FRMPD4: variants seen among roughly 807,000 people sequenced by gnomAD.
FRMPD4 encodes FERM and PDZ domain-containing protein 4.
FRMPD4 carries 22 observed loss-of-function variants against 94.1 expected under a neutral mutation model. The ratio of observed to expected loss-of-function variants is 0.23; its 90% CI spans 0.17 to 0.33. The LOEUF is 0.33. Ranked by LOEUF, FRMPD4 falls within the 10% of genes least tolerant of loss-of-function variation. FRMPD4 has a pLI of 1.00. For missense variants in FRMPD4, 1,111 were observed against 1,339.9 expected (o/e 0.83, Z 2.67); for synonymous variants, 631 against 548.6 (o/e 1.15, Z -2.10).
intron 2 of FRMPD4, among the ~76,000 whole-genome samples, chrX:12,565,658 C>G (rs1162688723): frequency 5.4e-5 from 6 of 111,933 alleles, no homozygotes; most frequent in Admixed American, 9.5e-5. Flanking sequence ...GACATGACTA[C>G]TAAGTGCAAT....
At chrX:12,531,120 A>G (rs945873797) in intron 2 of FRMPD4, among the ~76,000 whole-genome samples, 2 of 112,448 alleles carry the variant, frequency 1.8e-5, no homozygotes, top group Admixed American at 9.4e-5. Context: ...ATATTTCTCA[A>G]TGGCAATTTA....
At chrX:12,130,801 T>C (rs926715694) in intron 3 of FRMPD4, among the ~76,000 whole-genome samples, 3 of 111,313 alleles carry the variant, frequency 2.7e-5, no homozygotes, top group Non-Finnish European at 5.6e-5. Context: ...GAAGGAACAT[T>C]ATGTCAGAAA....
chrX:12,057,969 A>C (rs1208964246), intron 3 of FRMPD4, among the ~76,000 whole-genome samples: 1 of 111,134 alleles, frequency 9.0e-6, no homozygotes, highest in Non-Finnish European at 1.9e-5. Context: ...AATTAATGGG[A>C]AGTGCTTATA....
At chrX:12,227,677 T>C (rs2056936942) in intron 1 of FRMPD4, among the ~76,000 whole-genome samples, 1 of 111,221 alleles carries the variant, frequency 9.0e-6, no homozygotes, top group Non-Finnish European at 1.9e-5. Context: ...GGCATGTGCC[T>C]GTGGTCCCAG....
chrX:12,050,910 G>A (rs1478287660), intron 3 of FRMPD4, among the ~76,000 whole-genome samples: 6 of 111,114 alleles, frequency 5.4e-5, no homozygotes, highest in Non-Finnish European at 1.1e-4. Flanking sequence ...TATTACAAAC[G>A]ACCTAAGTAG....
At chrX:12,259,700 C>T (rs1039886182) in intron 1 of FRMPD4, among the ~76,000 whole-genome samples, 12 of 111,560 alleles carry the variant, frequency 1.1e-4, no homozygotes, top group African/African-American at 1.6e-4. Context: ...CCTATTGGCA[C>T]GCTGAACAGC....
intron 1 of FRMPD4, among the ~76,000 whole-genome samples, chrX:11,861,285 T>C (rs1283980103): frequency 9.0e-6 from 1 of 111,674 alleles, no homozygotes; most frequent in Non-Finnish European, 1.9e-5. Flanking sequence ...ATGTGGCTCA[T>C]TGTACTATGT....
At chrX:12,688,743 ATCT>A (rs1217013478) in intron 7 of FRMPD4, among the ~76,000 whole-genome samples, 1 of 65,094 alleles carries the variant, frequency 1.5e-5, no homozygotes, top group Non-Finnish European at 2.7e-5. Context: ...AAGCAGGGAA[ATCT>A]TTTTTTTTTT....
intron 4 of FRMPD4, among the ~76,000 whole-genome samples, chrX:12,638,749 T>C (rs941381345): frequency 2.1e-4 from 23 of 111,187 alleles, no homozygotes; most frequent in Non-Finnish European, 1.3e-4. Context: ...AACTAGTTTC[T>C]TTCTACTGCC....
At chrX:12,015,344 C>T (rs969723610) in intron 3 of FRMPD4, among the ~76,000 whole-genome samples, 10 of 111,491 alleles carry the variant, frequency 9.0e-5, no homozygotes, top group African/African-American at 2.9e-4. Flanking sequence ...TTAGCTAATT[C>T]CTATTTATTT....
At chrX:11,988,836 A>C (rs1370462547) in intron 3 of FRMPD4, among the ~76,000 whole-genome samples, 1 of 112,201 alleles carries the variant, frequency 8.9e-6, no homozygotes, top group African/African-American at 3.2e-5. Flanking sequence ...TACAAATGGC[A>C]AACAGGCACA....
chrX:11,857,328 C>T (rs1395179725), intron 1 of FRMPD4, among the ~76,000 whole-genome samples: 1 of 111,109 alleles, frequency 9.0e-6, no homozygotes, highest in Non-Finnish European at 1.9e-5. Flanking sequence ...CTACAGTAAC[C>T]AAAACATCAT....
At chrX:12,207,487 T>C (rs1249196528) in intron 1 of FRMPD4, among the ~76,000 whole-genome samples, 1 of 110,460 alleles carries the variant, frequency 9.1e-6, no homozygotes, top group Non-Finnish European at 1.9e-5. Context: ...TAACTGTACA[T>C]TAAAAATTAT....
intron 2 of FRMPD4, among the ~76,000 whole-genome samples, chrX:12,558,593 G>A (rs2058620319): frequency 8.9e-6 from 1 of 112,270 alleles, no homozygotes; most frequent in Admixed American, 9.5e-5. Flanking sequence ...CATCATAGAT[G>A]TTGACTCTTT....
intron 3 of FRMPD4, among the ~76,000 whole-genome samples, chrX:11,987,471 A>G (rs931593421): frequency 1.8e-5 from 2 of 111,649 alleles, no homozygotes; most frequent in African/African-American, 6.5e-5. Context: ...ATCATACTAA[A>G]TGGGGAAAAA....
chrX:12,349,216 T>C (rs1428305201), intron 1 of FRMPD4, among the ~76,000 whole-genome samples: 1 of 111,558 alleles, frequency 9.0e-6, no homozygotes, highest in Non-Finnish European at 1.9e-5. Flanking sequence ...CAGTCAGCTA[T>C]GCAGAAGTTT....
At chrX:12,334,432 G>A (rs1446481164) in intron 1 of FRMPD4, among the ~76,000 whole-genome samples, 1 of 111,127 alleles carries the variant, frequency 9.0e-6, no homozygotes, top group East Asian at 2.8e-4. Context: ...TATGGGCACT[G>A]CCAAGTCAAG....
chrX:12,137,851 G>T (rs2055620683), upstream of FRMPD4, among the ~76,000 whole-genome samples: 1 of 111,836 alleles, frequency 8.9e-6, no homozygotes, highest in Non-Finnish European at 1.9e-5. Context: ...CTTCACCCAA[G>T]GCTCAGTGTG....
At chrX:12,073,461 A>G (rs1434219390) in intron 3 of FRMPD4, among the ~76,000 whole-genome samples, 3 of 111,673 alleles carry the variant, frequency 2.7e-5, no homozygotes, top group African/African-American at 9.8e-5. Context: ...TCTTTTGATT[A>G]TTTTTCTCAG....
Sources: gnomAD v4.1 joint callset for allele counts (sites outside exome capture counted in the v4.1 genomes callset) on GRCh38, gnomAD v4.1.1 for gene constraint, MANE v1.5 for transcripts, NCBI Gene and HGNC (gene_info 2026-07-23, HGNC 2026-07-21) for gene names.